Variants in GNA12 observed in about 807,000 individuals in gnomAD.
GNA12 encodes G protein subunit alpha 12.
In GNA12, 9 loss-of-function variants were observed where a neutral mutation model predicts 26.0. The ratio of observed to expected loss-of-function variants is 0.35; its 90% CI spans 0.21 to 0.60. The LOEUF is 0.60. Among genes scored for constraint, GNA12 ranks in the 20% least tolerant of loss-of-function variants. GNA12 has a pLI of 0.78. For synonymous variants in GNA12, 264 were observed against 219.6 expected (o/e 1.20, Z -1.79); for missense variants, 405 against 525.8 (o/e 0.77, Z 2.25).
intron 1 of GNA12, among the ~76,000 whole-genome samples, chr7:2,838,102 T>C (rs1366745917): frequency 6.6e-6 from 1 of 151,332 alleles, no homozygotes; most frequent in Non-Finnish European, 1.5e-5. Context: ...ACTGCAAACC[T>C]AAGGCAACTA....
chr7:2,762,526 G>C, intron 2 of GNA12: 2 of 1,142,154 alleles, frequency 1.8e-6, no homozygotes, highest in South Asian at 1.8e-5. Context: ...TACAAAAGCA[G>C]TTCCACCACG....
chr7:2,777,634 C>T (rs1429279922), intron 2 of GNA12, among the ~76,000 whole-genome samples: 4 of 152,156 alleles, frequency 2.6e-5, no homozygotes, highest in African/African-American at 9.7e-5. Flanking sequence ...GAGGAAGCAG[C>T]AGGAAGGTGG....
At chr7:2,832,101 T>C (rs1199730259) in intron 1 of GNA12, among the ~76,000 whole-genome samples, 1 of 152,170 alleles carries the variant, frequency 6.6e-6, no homozygotes, top group Non-Finnish European at 1.5e-5. Context: ...AAATCCCTGA[T>C]TTTGGCCCCA....
chr7:2,736,609 T>G (rs911195026), intron 2 of GNA12, among the ~76,000 whole-genome samples: 1 of 152,146 alleles, frequency 6.6e-6, no homozygotes, highest in Non-Finnish European at 1.5e-5. Context: ...CGGGCAGATG[T>G]GATGTCGTGA....
chr7:2,730,950 G>C lies in GNA12; in HGVS notation c.*231C>G, dbSNP rs1279644656. 4 of 521,936 alleles carry C rather than the reference G, an allele frequency of 7.7e-6. No individual in the cohort carries two copies. Among genetic ancestry groups the C allele is most frequent in the Non-Finnish European group, 1.4e-5 (4 of 290,004 alleles). The allele number at this position is 521,936 out of a possible 1,614,324, so 32.3% of individuals were successfully genotyped here. A position where few individuals can be genotyped will look rare whatever the true frequency, so the allele number is the denominator to read the frequency against. ...TCCGTATTCACAACATCATCACTCG[G>C]ATTTTCAGTAGTTTCACTCGCCCCC... On this transcript the variant is annotated 3_prime_UTR_variant, in exon 4 of 4. Coordinates refer to ENST00000275364, the MANE Select transcript of GNA12 (RefSeq NM_007353.3).
At chr7:2,781,064 A>G (rs569656686) in intron 2 of GNA12, among the ~76,000 whole-genome samples, 20 of 152,358 alleles carry the variant, frequency 1.3e-4, no homozygotes, top group Middle Eastern at 3.4e-3. Context: ...ATATCATAAT[A>G]TCATCTCCTC....
chr7:2,753,811 A>G (rs1272850895), intron 2 of GNA12, among the ~76,000 whole-genome samples: 1 of 151,478 alleles, frequency 6.6e-6, no homozygotes, highest in Non-Finnish European at 1.5e-5. Context: ...TTGTTTCTTC[A>G]GTTTCTTCTG....
At chr7:2,734,929 C>T (rs1258623332) in intron 2 of GNA12, among the ~76,000 whole-genome samples, 3 of 152,158 alleles carry the variant, frequency 2.0e-5, no homozygotes, top group African/African-American at 2.4e-5. Flanking sequence ...GGGCCCGGCA[C>T]GACTGACCTC....
intron 1 of GNA12, among the ~76,000 whole-genome samples, chr7:2,832,574 T>G (rs956420979): frequency 7.9e-5 from 12 of 152,330 alleles, no homozygotes; most frequent in Admixed American, 7.8e-4. Flanking sequence ...CTGTTCGGCT[T>G]GGCTTAAGTA....
At chr7:2,833,403 G>C (rs540238350) in intron 1 of GNA12, among the ~76,000 whole-genome samples, 1 of 152,110 alleles carries the variant, frequency 6.6e-6, no homozygotes, top group African/African-American at 2.4e-5. Context: ...AAATAATTAC[G>C]AGCTGTCAAC....
rs777131668 is a variant in GNA12 at position 2,758,912 on chromosome 7, A to T, written c.526-25411T>A. On this transcript the variant is annotated intron_variant, in intron 2 of 3. Coordinates refer to ENST00000275364, the MANE Select transcript of GNA12 (RefSeq NM_007353.3). ...ATAATCCCAGCGCTCTGGGAGGCCG[A>T]GGTGGATCACCTGAGGTCAGGAGTT... Among the ~76,000 whole-genome samples the T allele has an allele frequency of 9.2e-5, 14 of 152,182 alleles. No homozygotes were observed. The South Asian group carries it at 1.2e-3, about 14-fold the overall frequency.
chr7:2,745,399 AT>A (rs1790718069), intron 2 of GNA12, among the ~76,000 whole-genome samples: 1 of 152,238 alleles, frequency 6.6e-6, no homozygotes, highest in Admixed American at 6.5e-5. Flanking sequence ...TCAACCCAGA[AT>A]TTCATATCCA....
intron 2 of GNA12, among the ~76,000 whole-genome samples, chr7:2,751,766 A>T (rs1791051209): frequency 6.6e-6 from 1 of 152,208 alleles, no homozygotes; most frequent in African/African-American, 2.4e-5. Flanking sequence ...TCTTATACGA[A>T]ATGGACAAAT....
chr7:2,836,347 G>A (rs1289910475), intron 1 of GNA12, among the ~76,000 whole-genome samples: 4 of 152,174 alleles, frequency 2.6e-5, no homozygotes, highest in Non-Finnish European at 5.9e-5. Flanking sequence ...TAAAAAGAAA[G>A]TTCTGAATGT....
At chr7:2,814,202 A>G in intron 1 of GNA12, 1 of 682,488 alleles carries the variant, frequency 1.5e-6, no homozygotes, top group South Asian at 1.6e-5. Flanking sequence ...ATTCTCCATC[A>G]TAAATCTCCT....
intron 2 of GNA12, among the ~76,000 whole-genome samples, chr7:2,790,029 C>G (rs781385226): frequency 2.4e-4 from 36 of 152,196 alleles, no homozygotes; most frequent in Non-Finnish European, 4.0e-4. Context: ...AAAGCCTGCT[C>G]AACTCTGCAG....
At chr7:2,843,786 G>T in intron 1 of GNA12, 67 bp downstream of exon 1, 2 of 850,514 alleles carry the variant, frequency 2.4e-6, no homozygotes, top group East Asian at 3.4e-5. Context: ...ACCACGGAGG[G>T]GCCCGGGGCG....
chr7:2,749,477 C>G (rs1009217215), intron 2 of GNA12, among the ~76,000 whole-genome samples: 3 of 123,704 alleles, frequency 2.4e-5, no homozygotes, highest in Non-Finnish European at 3.1e-5. Context: ...CACATGGACA[C>G]GGGAAGGGGA....
At chr7:2,776,220 G>C (rs994902794) in intron 2 of GNA12, among the ~76,000 whole-genome samples, 2 of 152,164 alleles carry the variant, frequency 1.3e-5, no homozygotes, top group Non-Finnish European at 2.9e-5. Flanking sequence ...ACAGGTGTGA[G>C]CCACCGCGCC....
Sources: gnomAD v4.1 joint callset for allele counts (sites outside exome capture counted in the v4.1 genomes callset) on GRCh38, gnomAD v4.1.1 for gene constraint, MANE v1.5 for transcripts, NCBI Gene and HGNC (gene_info 2026-07-23, HGNC 2026-07-21) for gene names.